The following PATJ variants were observed in gnomAD, a reference collection of about 807,000 sequenced individuals.
PATJ encodes inaD-like protein.
PATJ carries 190 observed loss-of-function variants against 224.9 expected under a neutral mutation model. That is an observed-to-expected ratio of 0.84 (90% confidence interval 0.75 to 0.95). The LOEUF (loss-of-function observed/expected upper bound fraction) is 0.95. Among genes scored for constraint, PATJ ranks in the 40% least tolerant of loss-of-function variants. PATJ has a pLI of 0.00. For missense variants in PATJ, 2,121 were observed against 2,270.3 expected (o/e 0.93, Z 1.34); for synonymous variants, 769 against 820.3 (o/e 0.94, Z 1.07).
intron 7 of PATJ, among the ~76,000 whole-genome samples, chr1:61,781,500 C>T (rs1000865383): frequency 3.9e-5 from 6 of 152,190 alleles, no homozygotes; most frequent in African/African-American, 1.4e-4. Flanking sequence ...CACCCTCAGG[C>T]CCTAGGCTAT....
At chr1:62,022,286 A>G (rs1339299842) in intron 29 of PATJ, among the ~76,000 whole-genome samples, 2 of 152,244 alleles carry the variant, frequency 1.3e-5, no homozygotes, top group Non-Finnish European at 2.9e-5. Context: ...CATTAGCACA[A>G]ATCAGCAAGT....
At chr1:61,786,058 G>A (rs968064595) in intron 7 of PATJ, among the ~76,000 whole-genome samples, 3 of 152,124 alleles carry the variant, frequency 2.0e-5, no homozygotes, top group African/African-American at 4.8e-5. Context: ...GGCTTGCTCT[G>A]TCGCCCAAGC....
rs531958817 is a variant in PATJ, at chr1:62,018,533, G to A, written c.3959+586G>A. On this transcript the variant is annotated intron_variant, in intron 29 of 43. Transcript: ENST00000642238. This position sits in a 1 kb window ranked among gnomAD's most constrained non-coding sequence, Gnocchi z 4.2. Reference sequence around the variant, plus strand: ...GTTTGTAGTCAACATTGCCACATTAGCAATAGAAATGAGGTTGTTTGATTC... The same window carrying A: ...GTTTGTAGTCAACATTGCCACATTAACAATAGAAATGAGGTTGTTTGATTC... Among the ~76,000 whole-genome samples, 1 of 152,296 alleles carries A rather than the reference G, an allele frequency of 6.6e-6. No homozygotes were observed. The highest frequency in any genetic ancestry group is 1.9e-4 in the East Asian group (1 of 5,184).
intron 27 of PATJ, among the ~76,000 whole-genome samples, chr1:61,961,169 A>T (rs1458272806): frequency 6.6e-6 from 1 of 152,224 alleles, no homozygotes; most frequent in African/African-American, 2.4e-5. Context: ...ATGATTTAGC[A>T]AGGTAAAGGC....
At chr1:62,125,181 G>C (rs1244253953) in intron 39 of PATJ, among the ~76,000 whole-genome samples, 1 of 143,952 alleles carries the variant, frequency 6.9e-6, no homozygotes, top group Non-Finnish European at 1.5e-5. Flanking sequence ...AGGCTGCAGT[G>C]AGCCGTGATC....
At chr1:61,989,024 G>T (rs1644919101) in intron 27 of PATJ, among the ~76,000 whole-genome samples, 1 of 152,210 alleles carries the variant, frequency 6.6e-6, no homozygotes, top group Non-Finnish European at 1.5e-5. Context: ...GCCTTTGAGT[G>T]TGGTGGCACA....
At chr1:61,868,070 A>T (rs1359190746) in intron 20 of PATJ, among the ~76,000 whole-genome samples, 3 of 152,084 alleles carry the variant, frequency 2.0e-5, no homozygotes, top group African/African-American at 7.2e-5. Flanking sequence ...TTTCTCTTCC[A>T]CCCTCATACT....
intron 33 of PATJ, among the ~76,000 whole-genome samples, chr1:62,107,704 G>C (rs1406394116): frequency 6.6e-6 from 1 of 151,992 alleles, no homozygotes; most frequent in African/African-American, 2.4e-5. Flanking sequence ...CTATACGTGG[G>C]TACATGTCAT....
chr1:62,050,302 T>C (rs1321176737), intron 30 of PATJ, among the ~76,000 whole-genome samples: 6 of 152,184 alleles, frequency 3.9e-5, no homozygotes, highest in Non-Finnish European at 7.4e-5. Context: ...ACAGAATGGC[T>C]AACTCAAACC....
intron 22 of PATJ, among the ~76,000 whole-genome samples, chr1:61,891,734 C>T (rs1669634923): frequency 6.6e-6 from 1 of 152,170 alleles, no homozygotes; most frequent in Non-Finnish European, 1.5e-5. Context: ...GCTTGAACTT[C>T]TGTTTCTTAA....
Position 61,959,429 on chromosome 1 carries a change from T to TTTTC in PATJ, c.3671-30736_3671-30735insCTTT, listed in dbSNP as rs1272308414. Among the ~76,000 whole-genome samples the TTTTC allele has an allele frequency of 3.7e-3, 130 of 35,466 alleles. 4 individuals are homozygous for TTTTC. Among genetic ancestry groups the TTTTC allele is most frequent in the African/African-American group, 5.6e-3 (73 of 13,020 alleles). The allele number at this position is 35,466 out of a possible 152,430, so 23.3% of individuals were successfully genotyped here. ...TATATATTATATATATAATATATTT[T>TTTTC]TTTTCTTTTCTTTTTTTTTTTTTTG... On this transcript the variant is annotated intron_variant, in intron 27 of 43. Coordinates refer to ENST00000642238, the MANE Select transcript of PATJ (RefSeq NM_001350145.3).
chr1:61,808,374 AGAGTT>A (rs1654005419), intron 13 of PATJ, 95 bp from the exon 14 acceptor site: 1 of 710,514 alleles, frequency 1.4e-6, no homozygotes, highest in Admixed American at 2.7e-5. Flanking sequence ...TAGGTCAAAT[AGAGTT>A]ATCAATATAT....
chr1:62,017,740 AAAAAAAAGAAAAG>A, intron 28 of PATJ, 103 bp from the exon 29 acceptor site: 13 of 571,664 alleles, frequency 2.3e-5, no homozygotes, highest in Admixed American at 3.1e-5. Context: ...AAAAAAAAAA[AAAAAAAAGAAAAG>A]AAAAGAAAAG....
intron 42 of PATJ, among the ~76,000 whole-genome samples, chr1:62,153,069 T>C (rs528511735): frequency 5.1e-4 from 78 of 152,212 alleles, no homozygotes; most frequent in African/African-American, 1.9e-3. Flanking sequence ...ACTAAGCATA[T>C]AGAAGAGTGC....
intron 29 of PATJ, among the ~76,000 whole-genome samples, chr1:62,021,242 T>G (rs1375553589): frequency 6.6e-6 from 1 of 152,174 alleles, no homozygotes; most frequent in African/African-American, 2.4e-5. Context: ...CCGTGTATCC[T>G]CACGTAACAG....
chr1:62,129,011 G>A (rs963710149), intron 41 of PATJ, 66 bp downstream of exon 41: 18 of 1,012,926 alleles, frequency 1.8e-5, no homozygotes, highest in Middle Eastern at 2.1e-4. Flanking sequence ...AAGATTGAGC[G>A]TCACTGGCAG....
chr1:62,145,791 A>C (rs2149017775), intron 41 of PATJ, among the ~76,000 whole-genome samples: 2 of 152,064 alleles, frequency 1.3e-5, no homozygotes, highest in Middle Eastern at 6.8e-3. Context: ...CCCTGTCTCT[A>C]CTAAAAATAC....
chr1:61,872,495 C>T (rs1175300265), intron 20 of PATJ, among the ~76,000 whole-genome samples: 1 of 152,184 alleles, frequency 6.6e-6, no homozygotes, highest in African/African-American at 2.4e-5. Context: ...AATTTAGAAG[C>T]AATTAGACTT....
chr1:61,764,203 T>C (rs1217673180), intron 3 of PATJ, among the ~76,000 whole-genome samples: 1 of 152,146 alleles, frequency 6.6e-6, no homozygotes, highest in Non-Finnish European at 1.5e-5. Context: ...TATAGCACAA[T>C]AGTCACACTT....
Sources: gnomAD v4.1 joint callset for allele counts (sites outside exome capture counted in the v4.1 genomes callset) on GRCh38, gnomAD v4.1.1 for gene constraint, Gnocchi (gnomAD v3.1) non-coding constraint, MANE v1.5 for transcripts, NCBI Gene and HGNC (gene_info 2026-07-23, HGNC 2026-07-21) for gene names.